RBFOX3: variants seen among roughly 807,000 people sequenced by gnomAD.
The protein encoded by RBFOX3 is RNA binding protein fox-1 homolog 3.
A neutral mutation model predicts 48.7 loss-of-function variants in RBFOX3; 17 were observed. The observed-to-expected ratio is 0.35, with a 90% CI of 0.24 to 0.52. RBFOX3 has a LOEUF of 0.52. Ranked by LOEUF, RBFOX3 falls within the 20% of genes least tolerant of loss-of-function variation. The probability of loss-of-function intolerance (pLI) is 0.94; values close to 1 mark genes in which losing one functional copy is unlikely to be tolerated. For synonymous variants in RBFOX3, 212 were observed against 209.5 expected, an observed-to-expected ratio of 1.01 and a Z score of -0.10; for missense variants, 382 against 497.5, an observed-to-expected ratio of 0.77 and a Z score of 2.21.
chr17:79,172,721 G>A (rs983656057), intron 4 of RBFOX3, among the ~76,000 whole-genome samples: 1 of 152,124 alleles, frequency 6.6e-6, no homozygotes, highest in African/African-American at 2.4e-5. Flanking sequence ...CTGGAAACGT[G>A]GCTTGTCTCA....
At chr17:79,153,403 G>T (rs534019782) in intron 4 of RBFOX3, among the ~76,000 whole-genome samples, 5 of 152,198 alleles carry the variant, frequency 3.3e-5, no homozygotes, top group African/African-American at 9.6e-5. Flanking sequence ...TTCTCTCCAC[G>T]AGAAGCCCAT....
chr17:79,571,859 C>T (rs2092689276), intron 1 of RBFOX3, among the ~76,000 whole-genome samples: 1 of 152,102 alleles, frequency 6.6e-6, no homozygotes, highest in South Asian at 2.1e-4. Flanking sequence ...GTGGTGGCGA[C>T]AATAGAATGG....
chr17:79,656,815 GAGAA>G, the RBFOX3 span, among the ~76,000 whole-genome samples: 2,175 of 51,860 alleles, frequency 0.042, 148 homozygotes, highest in African/African-American at 0.14. Context: ...AGAAAAGAAA[GAGAA>G]AGAAAGAAAG....
chr17:79,101,363 T>C (rs1388119890), intron 9 of RBFOX3, among the ~76,000 whole-genome samples: 1 of 152,172 alleles, frequency 6.6e-6, no homozygotes, highest in Non-Finnish European at 1.5e-5. Flanking sequence ...TGGCTGACTG[T>C]ATGGGGCCAT....
At chr17:79,384,409 C>T (rs1001877307) in intron 2 of RBFOX3, among the ~76,000 whole-genome samples, 3 of 152,138 alleles carry the variant, frequency 2.0e-5, no homozygotes, top group Non-Finnish European at 4.4e-5. Flanking sequence ...GGCTGGTCCA[C>T]CTCCCTGGGA....
intron 2 of RBFOX3, among the ~76,000 whole-genome samples, chr17:79,342,977 AGC>A (rs1207984102): frequency 2.7e-5 from 4 of 146,996 alleles, no homozygotes; most frequent in African/African-American, 7.5e-5. Context: ...AAAGAGAAAG[AGC>A]GAGAGAGAGA....
At chr17:79,360,436 G>A (rs1243620901) in intron 2 of RBFOX3, among the ~76,000 whole-genome samples, 2 of 152,152 alleles carry the variant, frequency 1.3e-5, no homozygotes, top group African/African-American at 2.4e-5. Flanking sequence ...GCCAAGCGCC[G>A]CACCCTGGGG....
rs1026560891 is a variant in RBFOX3, at chr17:79,481,214, C to G, written c.-175+1240G>C. ...GCCTCTGGTCTCTTTGTCCAGGGTT[C>G]TCGTCGGCATCATCTGCTCAGCCTA... On this transcript the variant is annotated intron_variant, in intron 2 of 14. Coordinates refer to ENST00000693108, the MANE Select transcript of RBFOX3 (RefSeq NM_001350451.2). The surrounding 1 kb of genome is among the most constrained non-coding windows in gnomAD (Gnocchi z 5.4). Among the ~76,000 whole-genome samples the G allele has an allele frequency of 6.4e-4, 97 of 152,282 alleles. No individual in the cohort carries two copies. The highest frequency in any genetic ancestry group is 2.3e-3 in the African/African-American group (94 of 41,548).
chr17:79,573,153 C>G (rs1416891550), intron 1 of RBFOX3, among the ~76,000 whole-genome samples: 1 of 152,136 alleles, frequency 6.6e-6, no homozygotes, highest in African/African-American at 2.4e-5. Context: ...TGAAGATTCC[C>G]AGAGGGGCAA....
intron 1 of RBFOX3, among the ~76,000 whole-genome samples, chr17:79,587,544 A>G (rs2093289943): frequency 1.3e-5 from 2 of 152,300 alleles, no homozygotes. Context: ...ATAAACAGGG[A>G]ACACCGGCAT....
the RBFOX3 span, among the ~76,000 whole-genome samples, chr17:79,633,423 C>T: frequency 1.3e-5 from 2 of 152,360 alleles, no homozygotes; most frequent in African/African-American, 2.4e-5. Flanking sequence ...ACACAGAACG[C>T]GTGTCCACCG....
chr17:79,275,118 GTCTCCC>G (rs1476879717), intron 3 of RBFOX3, among the ~76,000 whole-genome samples: 6 of 97,000 alleles, frequency 6.2e-5, no homozygotes, highest in Non-Finnish European at 1.1e-4. Context: ...CTCTCTCCAT[GTCTCCC>G]TCTCTCTCTC....
chr17:79,289,907 C>T (rs1255275945), intron 3 of RBFOX3, among the ~76,000 whole-genome samples: 1 of 152,182 alleles, frequency 6.6e-6, no homozygotes. Flanking sequence ...ACTAATAACA[C>T]TGGGTGGCCA....
At chr17:79,463,021 T>C (rs1555750109) in intron 2 of RBFOX3, among the ~76,000 whole-genome samples, 1 of 109,242 alleles carries the variant, frequency 9.2e-6, no homozygotes, top group Non-Finnish European at 2.0e-5. Flanking sequence ...CCATTGCCAC[T>C]GACACCTCCA....
chr17:79,408,778 T>C (rs777592269), intron 2 of RBFOX3, among the ~76,000 whole-genome samples: 28 of 152,232 alleles, frequency 1.8e-4, no homozygotes, highest in Non-Finnish European at 3.4e-4. Context: ...ATCACCATCA[T>C]TGTTCTTGCA....
At chr17:79,498,200 C>T (rs922516881) in intron 1 of RBFOX3, among the ~76,000 whole-genome samples, 2 of 152,220 alleles carry the variant, frequency 1.3e-5, no homozygotes, top group African/African-American at 4.8e-5. Flanking sequence ...TCAGTATGCT[C>T]TCCCTCAGGG....
rs575847411 is a variant in RBFOX3, at chr17:79,343,857, G to A, written c.-174-36033C>T. Among the ~76,000 whole-genome samples the A allele has an allele frequency of 1.4e-4, 22 of 152,284 alleles. No homozygotes were observed. In the South Asian group the frequency reaches 2.1e-3, roughly 14 times the overall value. ...GCCCAAAGTCACTCAGAGGAATCAC[G>A]GGGCAGGAATTGGACACAGCCTGCC... On this transcript the variant is annotated intron_variant, in intron 2 of 14. Transcript: ENST00000693108.
chr17:79,470,952 A>C (rs2076987619), intron 2 of RBFOX3, among the ~76,000 whole-genome samples: 1 of 152,016 alleles, frequency 6.6e-6, no homozygotes, highest in African/African-American at 2.4e-5. Flanking sequence ...AGGCCACTTA[A>C]TCTCCCTTTG....
At chr17:79,116,916 G>A (rs1020938917) in intron 4 of RBFOX3, among the ~76,000 whole-genome samples, 11 of 152,224 alleles carry the variant, frequency 7.2e-5, no homozygotes, top group African/African-American at 2.2e-4. Context: ...TGGGCAATGC[G>A]GGTTCCAGGG....
Sources: gnomAD v4.1 joint callset for allele counts (sites outside exome capture counted in the v4.1 genomes callset) on GRCh38, gnomAD v4.1.1 for gene constraint, Gnocchi (gnomAD v3.1) non-coding constraint, MANE v1.5 for transcripts, NCBI Gene and HGNC (gene_info 2026-07-23, HGNC 2026-07-21) for gene names.